The following EYS variants were observed in gnomAD, a reference collection of about 807,000 sequenced individuals.
EYS encodes EGF-like photoreceptor maintenance factor, also known as protein eyes shut homolog.
A neutral mutation model predicts 282.1 loss-of-function variants in EYS; 250 were observed. The observed-to-expected ratio is 0.89, with a 90% CI of 0.80 to 0.98. The LOEUF is 0.98. EYS is among the 50% of genes least tolerant of loss of function. The pLI is 0.00. For synonymous variants in EYS, 1,355 were observed against 1,282.9 expected (o/e 1.06, Z -1.20); for missense variants, 4,016 against 3,709.0 (o/e 1.08, Z -2.15).
At chr6:63,969,840 T>C (rs1766471256) in intron 35 of EYS, among the ~76,000 whole-genome samples, 1 of 151,944 alleles carries the variant, frequency 6.6e-6, no homozygotes, top group Non-Finnish European at 1.5e-5. Context: ...TCTGTTGTAG[T>C]CTCTCTCTCT....
At chr6:64,985,867 G>A (rs1051115730) in intron 14 of EYS, among the ~76,000 whole-genome samples, 1 of 151,272 alleles carries the variant, frequency 6.6e-6, no homozygotes, top group East Asian at 2.0e-4. Flanking sequence ...TGTGGAAGTC[G>A]GCCTCAGCTC....
chr6:65,387,948 A>C (rs563053212), intron 7 of EYS, among the ~76,000 whole-genome samples: 4 of 152,032 alleles, frequency 2.6e-5, no homozygotes, highest in Non-Finnish European at 5.9e-5. Flanking sequence ...CATTGAACCT[A>C]TTCCGCTACT....
chr6:64,550,302 G>A (rs1200165357), intron 26 of EYS, among the ~76,000 whole-genome samples: 1 of 152,122 alleles, frequency 6.6e-6, no homozygotes, highest in South Asian at 2.1e-4. Context: ...GATCCCTGAG[G>A]AATCGCCACT....
At chr6:64,550,205 A>G (rs1366496422) in intron 26 of EYS, among the ~76,000 whole-genome samples, 2 of 152,190 alleles carry the variant, frequency 1.3e-5, no homozygotes, top group Non-Finnish European at 2.9e-5. Context: ...ATACATGTGC[A>G]TGTGTCTTTA....
chr6:64,731,813 A>T (rs764633235), intron 22 of EYS, among the ~76,000 whole-genome samples: 22 of 152,242 alleles, frequency 1.4e-4, no homozygotes, highest in Non-Finnish European at 7.3e-5. Context: ...ATTACTGCGC[A>T]TATACCCAAA....
rs187606291 is a variant in EYS, at chr6:64,681,211, C to G, written c.3444-54966G>C. 2.0e-5 allele frequency among the ~76,000 whole-genome samples: 3 copies of G among 152,132 alleles called. No individual in the cohort carries two copies. The East Asian group carries it at 5.8e-4, about 29-fold the overall frequency. ...CATAACTGAAGGCACCAGAACATGA[C>G]CAAAGACAGGAAGAAACTGAAGAAG... On this transcript the variant is annotated intron_variant, in intron 22 of 42. Coordinates refer to ENST00000503581, the MANE Select transcript of EYS (RefSeq NM_001142800.2).
At chr6:65,498,726 T>A (rs1012059369) in intron 2 of EYS, among the ~76,000 whole-genome samples, 1 of 151,920 alleles carries the variant, frequency 6.6e-6, no homozygotes, top group South Asian at 2.1e-4. Flanking sequence ...GAATACAAAA[T>A]GCTTTGGATT....
At chr6:64,405,558 T>C (rs946289034) in intron 28 of EYS, among the ~76,000 whole-genome samples, 1 of 152,208 alleles carries the variant, frequency 6.6e-6, no homozygotes, top group Non-Finnish European at 1.5e-5. Flanking sequence ...GCAGATGACA[T>C]GATTGTATAT....
chr6:64,457,903 T>C (rs1392370204), intron 26 of EYS, among the ~76,000 whole-genome samples: 2 of 152,026 alleles, frequency 1.3e-5, no homozygotes, highest in African/African-American at 4.8e-5. Context: ...AGCTTTTCTA[T>C]AAATCCTTTC....
intron 12 of EYS, among the ~76,000 whole-genome samples, chr6:65,242,922 G>A (rs770279630): frequency 3.9e-5 from 6 of 151,984 alleles, no homozygotes; most frequent in Non-Finnish European, 7.4e-5. Context: ...CTTCTTTGAA[G>A]AGGTAACTAC....
chr6:63,989,914 G>C (rs1186577410), intron 34 of EYS, among the ~76,000 whole-genome samples: 3 of 151,474 alleles, frequency 2.0e-5, no homozygotes, highest in South Asian at 4.1e-4. Context: ...ATAAATATGA[G>C]TGAAGTGATT....
chr6:64,346,156 G>A (rs1771384249), intron 29 of EYS, among the ~76,000 whole-genome samples: 1 of 151,988 alleles, frequency 6.6e-6, no homozygotes. Context: ...GTTCCTCAGG[G>A]ATCTAGAACT....
At chr6:64,089,092 CAG>C (rs1772262108) in intron 31 of EYS, among the ~76,000 whole-genome samples, 2 of 151,730 alleles carry the variant, frequency 1.3e-5, no homozygotes, top group African/African-American at 4.8e-5. Context: ...TCACCTTCCC[CAG>C]AAAGGACATC....
chr6:63,958,511 T>C (rs1446669757), intron 35 of EYS, among the ~76,000 whole-genome samples: 1 of 152,240 alleles, frequency 6.6e-6, no homozygotes, highest in African/African-American at 2.4e-5. Flanking sequence ...CAAGTGCTGA[T>C]GTACAAGCTA....
At position 63,720,945 on chromosome 6, in the gene EYS, GAGATTCTTTCTCCCAAGTT is replaced by G. The variant is rs1250121530; in HGVS notation, c.9067_9085del (p.Asn3023LeufsTer4). 1 of 1,551,328 alleles carries G rather than the reference GAGATTCTTTCTCCCAAGTT, an allele frequency of 6.4e-7. No individual in the cohort carries two copies. Among genetic ancestry groups the G allele is most frequent in the Admixed American group, 2.0e-5 (1 of 50,978 alleles). On this transcript the variant is annotated frameshift_variant, in exon 43 of 43. Coordinates refer to ENST00000503581, the MANE Select transcript of EYS (RefSeq NM_001142800.2). LOFTEE classifies it high-confidence loss of function. ...GCCATTGTTATAGCTCATAGGCACAGAGATTCTTTCTCCCAAGTTAACTGCTATTTTCAAGGTCTGATTA... is the reference window on the plus strand; with the variant it reads ...GCCATTGTTATAGCTCATAGGCACAGAACTGCTATTTTCAAGGTCTGATTA...
rs1772867869 is a variant in EYS, at chr6:64,102,590, CA to C, written c.6425-20589del. On this transcript the variant is annotated intron_variant, in intron 31 of 42. Coordinates refer to ENST00000503581, the MANE Select transcript of EYS (RefSeq NM_001142800.2). ...GCAGTTGAATGAAGAGAATATTTTT[CA>C]AAATCTAATTACTACATCAAGTATT... 3.3e-5 allele frequency among the ~76,000 whole-genome samples: 5 copies of C among 152,136 alleles called. 1 individual carries two copies. In the South Asian group the frequency reaches 1.0e-3, roughly 32 times the overall value.
chr6:65,035,595 C>CA (rs943497841), intron 13 of EYS, among the ~76,000 whole-genome samples: 36 of 151,406 alleles, frequency 2.4e-4, no homozygotes, highest in East Asian at 7.8e-4. Context: ...TAGCCATACA[C>CA]AAAAAAAACT....
At chr6:63,794,719 G>T (rs1286291367) in intron 37 of EYS, among the ~76,000 whole-genome samples, 1 of 152,166 alleles carries the variant, frequency 6.6e-6, no homozygotes, top group Admixed American at 6.5e-5. Context: ...TATTTGTCAA[G>T]TCACAAAGCA....
At chr6:64,240,997 C>T (rs1007484159) in intron 30 of EYS, among the ~76,000 whole-genome samples, 4 of 152,172 alleles carry the variant, frequency 2.6e-5, no homozygotes, top group Non-Finnish European at 2.9e-5. Context: ...TTTTCTGCAT[C>T]TATTGAGATA....
Sources: allele counts gnomAD v4.1 joint callset (sites outside exome capture counted in the v4.1 genomes callset), GRCh38; gene constraint gnomAD v4.1.1; transcripts MANE v1.5; gene names NCBI Gene and HGNC (gene_info 2026-07-23, HGNC 2026-07-21).